Variants in PATL2 observed in about 807,000 individuals in gnomAD.
The protein encoded by PATL2 is protein PAT1 homolog 2.
In PATL2, 73 loss-of-function variants were observed where a neutral mutation model predicts 77.0. That is an observed-to-expected ratio of 0.95 (90% CI 0.78 to 1.15). The LOEUF is 1.15. Ranked by LOEUF, PATL2 falls within the 50% of genes most tolerant of loss-of-function variation. The pLI is 0.00. For missense variants in PATL2, 618 were observed against 655.4 expected, an observed-to-expected ratio of 0.94 and a Z score of 0.62; for synonymous variants, 265 against 257.1, an observed-to-expected ratio of 1.03 and a Z score of -0.29.
chr15:44,676,857 G>A (rs368040443), intron 3 of PATL2: 27 of 1,106,536 alleles, frequency 2.4e-5, no homozygotes, highest in African/African-American at 1.8e-4. Context: ...CCTTGCTGCC[G>A]ACACCCACCA....
chr15:44,668,375 T>C lies in PATL2; in HGVS notation c.1332A>G (p.Ser444=), dbSNP rs1368382656. 1.3e-6 allele frequency: 2 copies of C among 1,551,022 alleles called. No homozygotes were observed. Among genetic ancestry groups the C allele is most frequent in the Non-Finnish European group, 1.7e-6 (2 of 1,146,966 alleles). The change falls in exon 15 of 18, where the codon TCA becomes TCG. Residue 444 remains serine (S), a synonymous_variant. Coordinates refer to ENST00000682850, the MANE Select transcript of PATL2 (RefSeq NM_001387263.1). ...QGLTLLPPGS[S]ERPVTVVLQN... The stretch of plus-strand genomic sequence containing the variant: ...GAAGCACCACGGTGACTGGCCGCTC[T>C]GAGGAGCCAGGTGGCAACAGCGTTA...
chr15:44,694,353 T>C (rs1392996334), intron 3 of PATL2, among the ~76,000 whole-genome samples: 1 of 152,216 alleles, frequency 6.6e-6, no homozygotes, highest in Admixed American at 6.5e-5. Flanking sequence ...TTTAGCAAAC[T>C]CATTTGTGGC....
At chr15:44,701,563 G>A (rs1286074486) in intron 3 of PATL2, among the ~76,000 whole-genome samples, 1 of 151,702 alleles carries the variant, frequency 6.6e-6, no homozygotes, top group Non-Finnish European at 1.5e-5. Flanking sequence ...GGGTGTGGTG[G>A]TACATGCCTG....
intron 7 of PATL2, among the ~76,000 whole-genome samples, chr15:44,672,799 A>G (rs1174806440): frequency 6.6e-6 from 1 of 152,224 alleles, no homozygotes; most frequent in Non-Finnish European, 1.5e-5. Flanking sequence ...TCCCTCTGTC[A>G]TCCAGGCTGG....
At chr15:44,672,254 G>C in intron 8 of PATL2, 98 bp from the exon 9 acceptor site, 1 of 1,539,034 alleles carries the variant, frequency 6.5e-7, no homozygotes. Context: ...GAAGGATGGA[G>C]CAAGCACAGA....
At chr15:44,700,395 G>A (rs1343946135) in intron 3 of PATL2, among the ~76,000 whole-genome samples, 3 of 152,068 alleles carry the variant, frequency 2.0e-5, no homozygotes, top group African/African-American at 7.3e-5. Flanking sequence ...TCCACCTCCT[G>A]GGTTCAAGTG....
chr15:44,680,506 TG>T (rs966386648), intron 3 of PATL2, among the ~76,000 whole-genome samples: 1 of 152,042 alleles, frequency 6.6e-6, no homozygotes, highest in Non-Finnish European at 1.5e-5. Context: ...CACTTCCAGG[TG>T]GGGGGCTCTC....
At chr15:44,689,144 A>G (rs959643773) in intron 3 of PATL2, among the ~76,000 whole-genome samples, 1 of 152,242 alleles carries the variant, frequency 6.6e-6, no homozygotes. Flanking sequence ...GAGAAATGCA[A>G]ATCAAAACCA....
In PATL2 at chr15:44,677,718, TCATGGTGATAAGAC is replaced by T. The variant is rs1290041159; in HGVS notation, c.-75-1167_-75-1154del. Among the ~76,000 whole-genome samples the T allele has an allele frequency of 3.9e-5, 6 of 152,316 alleles. 1 individual carries two copies. The South Asian group carries it at 1.2e-3, about 32-fold the overall frequency. On this transcript the variant is annotated intron_variant, in intron 3 of 17. Coordinates refer to ENST00000682850, the MANE Select transcript of PATL2 (RefSeq NM_001387263.1). ...AAAAATGAAAGTTAGGACCCTCTTG[TCATGGTGATAAGAC>T]CATGATTCTTGGTGCCTTTAAAGGA...
Position 44,666,404 on chromosome 15 carries a change from T to G in PATL2, c.1601A>C (p.Glu534Ala), listed in dbSNP as rs1276694486. 4 of 1,551,546 alleles carry G rather than the reference T, an allele frequency of 2.6e-6. No individual in the cohort carries two copies. Among genetic ancestry groups the G allele is most frequent in the Non-Finnish European group, 3.5e-6 (4 of 1,146,990 alleles). ...HVDKQLVQQL[E>A]ARMEFAWIY is the part of the protein sequence containing the mutation. ...TGCCATTACTTACTCCATCCTGGCC[T>G]CCAGCTGCTGAACCAATTGTTTGTC... Residue 534 changes from glutamate (E) to alanine (A), a missense_variant, in exon 17 of 18, where the codon GAG (glutamate) becomes GCG (alanine). Transcript: ENST00000682850.
intron 7 of PATL2, 43 bp from the exon 8 acceptor site, chr15:44,672,499 C>T (rs1285280797): frequency 2.0e-6 from 3 of 1,506,674 alleles, no homozygotes; most frequent in Non-Finnish European, 2.7e-6. Flanking sequence ...AGGAAGCTCT[C>T]AGTTCTCTGC....
rs2085544022 is a variant in PATL2, at chr15:44,669,318, G to A, written c.1026C>T (p.Leu342=). 4 of 1,551,622 alleles carry A rather than the reference G, an allele frequency of 2.6e-6. No homozygotes were observed. Among genetic ancestry groups the A allele is most frequent in the Admixed American group, 2.0e-5 (1 of 50,996 alleles). Residue 342 remains leucine, a synonymous_variant, in exon 13 of 18, where the codon CTC becomes CTT. Transcript: ENST00000682850. ...GCTCCTGGGTCTTTAAGGTCTGGAAGAGCTTCTCAACCTGGTTGCTTTGCT... is the reference window on the plus strand; with the variant it reads ...GCTCCTGGGTCTTTAAGGTCTGGAAAAGCTTCTCAACCTGGTTGCTTTGCT... ...SEQQSNQVEK[L]FQTLKTQEQN...
At chr15:44,684,550 A>C (rs2086209854) in intron 3 of PATL2, among the ~76,000 whole-genome samples, 1 of 152,044 alleles carries the variant, frequency 6.6e-6, no homozygotes, top group East Asian at 1.9e-4. Context: ...TTAGAAAAAA[A>C]AAATGAAAAG....
At chr15:44,708,568 T>C (rs182807378) in intron 3 of PATL2, among the ~76,000 whole-genome samples, 1 of 152,348 alleles carries the variant, frequency 6.6e-6, no homozygotes, top group Admixed American at 6.5e-5. Flanking sequence ...ATATAGTATA[T>C]GTTCTTTTCT....
At chr15:44,691,913 G>T (rs979325304) in intron 3 of PATL2, among the ~76,000 whole-genome samples, 1 of 151,884 alleles carries the variant, frequency 6.6e-6, no homozygotes, top group East Asian at 1.9e-4. Context: ...ATAGAGGGAG[G>T]ATAACCTGGT....
intron 3 of PATL2, among the ~76,000 whole-genome samples, chr15:44,682,897 C>T (rs902288199): frequency 6.6e-6 from 1 of 152,168 alleles, no homozygotes; most frequent in East Asian, 1.9e-4. Context: ...GTACCCAGCT[C>T]ATCTCACTGG....
chr15:44,682,677 GAA>G (rs2086160369), intron 3 of PATL2, among the ~76,000 whole-genome samples: 1 of 152,138 alleles, frequency 6.6e-6, no homozygotes, highest in Non-Finnish European at 1.5e-5. Context: ...AATCATAAAA[GAA>G]AAGATACGTA....
rs577007277 is a variant in PATL2, at chr15:44,689,898, T to C, written c.-75-13333A>G. Among the ~76,000 whole-genome samples, 589 of 152,176 alleles carry C rather than the reference T, an allele frequency of 3.9e-3. 4 individuals are homozygous for C. Among genetic ancestry groups the C allele is most frequent in the African/African-American group, 0.014 (564 of 41,532 alleles). On this transcript the variant is annotated intron_variant, in intron 3 of 17. Coordinates refer to ENST00000682850, the MANE Select transcript of PATL2 (RefSeq NM_001387263.1). The stretch of plus-strand genomic sequence containing the variant: ...ATCTCAAAAATACTAAAAGAAAATA[T>C]ATGAATGTTGGCCAAGCATGGTGTC...
intron 3 of PATL2, among the ~76,000 whole-genome samples, chr15:44,704,762 G>T (rs964075105): frequency 4.6e-5 from 7 of 152,082 alleles, no homozygotes; most frequent in African/African-American, 1.4e-4. Flanking sequence ...TCTGATTAAA[G>T]AACTCCCTTC....
Sources: allele counts gnomAD v4.1 joint callset (sites outside exome capture counted in the v4.1 genomes callset), GRCh38; gene constraint gnomAD v4.1.1; transcripts MANE v1.5; gene names NCBI Gene and HGNC (gene_info 2026-07-23, HGNC 2026-07-21).